The following OPRK1 variants were observed in gnomAD, a reference collection of about 807,000 sequenced individuals.
OPRK1 encodes kappa-type opioid receptor.
Under a neutral mutation model 24.5 loss-of-function variants are expected in OPRK1, and 15 were observed. The ratio of observed to expected loss-of-function variants is 0.61; its 90% CI spans 0.41 to 0.94. OPRK1 has a LOEUF of 0.94. Ranked by LOEUF, OPRK1 falls within the 40% of genes least tolerant of loss-of-function variation. The pLI is 0.00. For synonymous variants in OPRK1, 205 were observed against 198.0 expected, an observed-to-expected ratio of 1.04 and a Z score of -0.30; for missense variants, 479 against 507.3, an observed-to-expected ratio of 0.94 and a Z score of 0.54.
intron 2 of OPRK1, among the ~76,000 whole-genome samples, chr8:53,239,061 C>T (rs1187264326): frequency 2.6e-5 from 4 of 152,104 alleles, no homozygotes; most frequent in Non-Finnish European, 5.9e-5. Context: ...TACCATATAC[C>T]TTTCAAATCA....
intron 3 of OPRK1, 31 bp downstream of exon 3, chr8:53,234,728 T>C (rs755053054): frequency 2.6e-6 from 4 of 1,567,826 alleles, no homozygotes; most frequent in African/African-American, 1.4e-5. Context: ...AAGCTACATT[T>C]TTATGAACAG....
intron 2 of OPRK1, among the ~76,000 whole-genome samples, chr8:53,239,410 G>C (rs1563329192): frequency 6.6e-6 from 1 of 152,208 alleles, no homozygotes; most frequent in East Asian, 1.9e-4. Context: ...ATTTGAGAAA[G>C]ATCTGGACAG....
chr8:53,246,731 G>A (rs1235011502), intron 2 of OPRK1, among the ~76,000 whole-genome samples: 1 of 152,196 alleles, frequency 6.6e-6, no homozygotes, highest in African/African-American at 2.4e-5. Context: ...CAGTGTTCCT[G>A]AGGGCTGCAC....
At chr8:53,230,819 A>AGGTAGT (rs1806833437) in intron 3 of OPRK1, among the ~76,000 whole-genome samples, 2 of 152,256 alleles carry the variant, frequency 1.3e-5, no homozygotes, top group African/African-American at 4.8e-5. Context: ...CTCACAGACA[A>AGGTAGT]GGTAGTCATG....
chr8:53,231,260 A>C (rs1229710824), intron 3 of OPRK1, among the ~76,000 whole-genome samples: 1 of 152,164 alleles, frequency 6.6e-6, no homozygotes, highest in Non-Finnish European at 1.5e-5. Flanking sequence ...AGAATATAAG[A>C]TATCCATTAA....
chr8:53,250,521 G>A lies in OPRK1; in HGVS notation c.257+260C>T, dbSNP rs1005932866. The stretch of plus-strand genomic sequence containing the variant: ...GCAGAAACACTGGGCCCTAGGGTGG[G>A]GTCGGGGGGTTACTCTGAAATCTTC... On this transcript the variant is annotated intron_variant, in intron 2 of 3. Transcript: ENST00000265572. Among the ~76,000 whole-genome samples the A allele has an allele frequency of 2.6e-5, 4 of 152,156 alleles. No individual in the cohort carries two copies. In the East Asian group the frequency reaches 7.7e-4, roughly 29 times the overall value.
At chr8:53,237,140 A>G (rs1000046568) in intron 2 of OPRK1, among the ~76,000 whole-genome samples, 19 of 152,136 alleles carry the variant, frequency 1.2e-4, no homozygotes. Context: ...CTCCCTTCTT[A>G]CGTGAGTGGA....
rs115446331 is a variant in OPRK1, at chr8:53,246,854, G to A, written c.257+3927C>T. Reference sequence around the variant, plus strand: ...GATCAGGTGGAGGGTTTGGGAATAAGGGTAGATTTGAATTCATTTTTTAAA... The same window carrying A: ...GATCAGGTGGAGGGTTTGGGAATAAAGGTAGATTTGAATTCATTTTTTAAA... On this transcript the variant is annotated intron_variant, in intron 2 of 3. Coordinates refer to ENST00000265572, the MANE Select transcript of OPRK1 (RefSeq NM_000912.5). 5.0e-3 allele frequency among the ~76,000 whole-genome samples: 764 copies of A among 152,300 alleles called. 7 individuals carry two copies. The highest frequency in any genetic ancestry group is 0.018 in the African/African-American group (736 of 41,564).
In OPRK1 at chr8:53,236,887, C is replaced by T. The variant is rs189895890; in HGVS notation, c.258-1776G>A. On this transcript the variant is annotated intron_variant, in intron 2 of 3. Coordinates refer to ENST00000265572, the MANE Select transcript of OPRK1 (RefSeq NM_000912.5). ...TGTATTTTATGACTCTGATATTCCCCTCTTTCTTTATGAAGTCAGAGTGGC... is the reference window on the plus strand; with the variant it reads ...TGTATTTTATGACTCTGATATTCCCTTCTTTCTTTATGAAGTCAGAGTGGC... Among the ~76,000 whole-genome samples the T allele has an allele frequency of 7.3e-3, 1,114 of 151,808 alleles. 17 individuals are homozygous for T. The highest frequency in any genetic ancestry group is 0.025 in the African/African-American group (1,035 of 41,094).
At chr8:53,247,707 G>C (rs1292603125) in intron 2 of OPRK1, among the ~76,000 whole-genome samples, 1 of 151,918 alleles carries the variant, frequency 6.6e-6, no homozygotes, top group African/African-American at 2.4e-5. Context: ...TTAGAATCAT[G>C]ATGGTCAGCC....
At chr8:53,241,850 G>A (rs1159647124) in intron 2 of OPRK1, among the ~76,000 whole-genome samples, 1 of 152,200 alleles carries the variant, frequency 6.6e-6, no homozygotes, top group African/African-American at 2.4e-5. Context: ...AGCAAGGAAG[G>A]AAGGGTAACG....
intron 2 of OPRK1, among the ~76,000 whole-genome samples, chr8:53,237,798 A>G (rs747856613): frequency 6.6e-6 from 1 of 152,208 alleles, no homozygotes; most frequent in Non-Finnish European, 1.5e-5. Flanking sequence ...CTTCTAGTTT[A>G]CCTGAAAGAC....
At chr8:53,240,901 T>C (rs1303940492) in intron 2 of OPRK1, among the ~76,000 whole-genome samples, 1 of 152,232 alleles carries the variant, frequency 6.6e-6, no homozygotes, top group Non-Finnish European at 1.5e-5. Context: ...CTGTGTAATC[T>C]GTGGTAATCA....
At chr8:53,247,098 G>A (rs796871766) in intron 2 of OPRK1, among the ~76,000 whole-genome samples, 3 of 152,334 alleles carry the variant, frequency 2.0e-5, no homozygotes, top group African/African-American at 7.2e-5. Context: ...GAAGACACTG[G>A]CAGAAGTACA....
At position 53,229,723 on chromosome 8, in the gene OPRK1, G is replaced by A. The variant is rs763400629; in HGVS notation, c.717C>T (p.Val239=). 6.2e-7 allele frequency: 1 copy of A among 1,614,160 alleles called. No individual in the cohort carries two copies. The highest frequency in any genetic ancestry group is 8.5e-7 in the Non-Finnish European group (1 of 1,180,026). The change falls in exon 4 of 4, where the codon GTC becomes GTT. Residue 239 remains valine, a synonymous_variant. Transcript: ENST00000265572. ...CVFIFAFVIP[V]LIIIVCYTLM... ...GGGTGTAGCAGACGATGATGATGAG[G>A]ACAGGGATCACGAAGGCAAAGATGA... is the stretch of plus-strand genomic sequence containing the variant.
rs760300337 is a variant in OPRK1, at chr8:53,234,763, C to T, written c.606G>A (p.Arg202=). The T allele has an allele frequency of 1.9e-6, 3 of 1,608,292 alleles. No individual in the cohort carries two copies. The highest frequency in any genetic ancestry group is 2.6e-6 in the Non-Finnish European group (3 of 1,175,078). The change falls in exon 3 of 4, where the codon AGG becomes AGA. Residue 202 remains arginine (R), a synonymous_variant. Coordinates refer to ENST00000265572, the MANE Select transcript of OPRK1 (RefSeq NM_000912.5). The part of the protein sequence containing the change: ...SAIVLGGTKV[R]EDVDVIECSL... ...GAATGAAATGACTGCTCTTACCTTC[C>T]CTGACTTTGGTGCCTCCAAGGACTA...
At position 53,250,985 on chromosome 8, in the gene OPRK1, G is replaced by T; in HGVS notation, c.53C>A (p.Pro18Gln). 1 of 1,596,008 alleles carries T rather than the reference G, an allele frequency of 6.3e-7. No homozygotes were observed. The highest frequency in any genetic ancestry group is 8.5e-7 in the Non-Finnish European group (1 of 1,172,106). ...GCTGTTGGGGGGCAGGCAGGCGCTCGGGGCGCAGGTAGGGCCCGGCTCCCC... is the reference window on the plus strand; with the variant it reads ...GCTGTTGGGGGGCAGGCAGGCGCTCTGGGCGCAGGTAGGGCCCGGCTCCCC... ...FRGEPGPTCA[P>Q]SACLPPNSSA... The change falls in exon 2 of 4, where the codon CCG (proline) becomes CAG (glutamine). Residue 18 changes from proline (P) to glutamine (Q), a missense_variant. Pro to Gln is a moderately conservative substitution (Grantham distance 76, BLOSUM62 -1). Coordinates refer to ENST00000265572, the MANE Select transcript of OPRK1 (RefSeq NM_000912.5).
rs746472676 is a variant in OPRK1, at chr8:53,235,118, GA to G, written c.258-8del. The G allele has an allele frequency of 6.2e-7, 1 of 1,606,292 alleles. No individual in the cohort carries two copies. On this transcript the variant is annotated splice_region_variant and splice_polypyrimidine_tract_variant and intron_variant, in intron 2 of 3. Transcript: ENST00000265572. Reference sequence around the variant, plus strand: ...TGTCTTCATCTTTGTGTATCTAAAAGAAAAGAAACAATAGCATTTCCCTCCA... The same window carrying G: ...TGTCTTCATCTTTGTGTATCTAAAAGAAAGAAACAATAGCATTTCCCTCCA...
chr8:53,229,731 T>C lies in OPRK1; in HGVS notation c.709A>G (p.Ile237Val), dbSNP rs751079957. 2 of 1,613,624 alleles carry C rather than the reference T, an allele frequency of 1.2e-6. No individual in the cohort carries two copies. Among genetic ancestry groups the C allele is most frequent in the Admixed American group, 3.3e-5 (2 of 59,956 alleles). Residue 237 changes from isoleucine to valine, a missense_variant, in exon 4 of 4, where the codon ATC becomes GTC. By Grantham distance (29) the Ile-to-Val change is conservative. Transcript: ENST00000265572. Reference sequence around the variant, plus strand: ...CAGACGATGATGATGAGGACAGGGATCACGAAGGCAAAGATGAAGACGCAG... The same window carrying C: ...CAGACGATGATGATGAGGACAGGGACCACGAAGGCAAAGATGAAGACGCAG... ...KICVFIFAFV[I>V]PVLIIIVCYT...
Sources: allele counts gnomAD v4.1 joint callset (sites outside exome capture counted in the v4.1 genomes callset), GRCh38; gene constraint gnomAD v4.1.1; transcripts MANE v1.5; gene names NCBI Gene and HGNC (gene_info 2026-07-23, HGNC 2026-07-21).